Variants in ATG7 observed in about 807,000 individuals in gnomAD.
ATG7 encodes ubiquitin-like modifier-activating enzyme ATG7.
A neutral mutation model predicts 82.4 loss-of-function variants in ATG7; 70 were observed. The observed-to-expected ratio is 0.85, with a 90% CI of 0.70 to 1.04. The LOEUF (loss-of-function observed/expected upper bound fraction) is 1.04, where lower values mean the gene tolerates loss of function less well. ATG7 is among the 50% of genes least tolerant of loss of function. The probability of loss-of-function intolerance (pLI) is 0.00; values close to 1 mark genes in which losing one functional copy is unlikely to be tolerated. For missense variants in ATG7, 792 were observed against 864.3 expected (o/e 0.92, Z 1.05); for synonymous variants, 287 against 313.0 (o/e 0.92, Z 0.88).
intron 9 of ATG7, among the ~76,000 whole-genome samples, chr3:11,317,993 T>C (rs1326323742): frequency 6.6e-6 from 1 of 152,228 alleles, no homozygotes; most frequent in Non-Finnish European, 1.5e-5. Flanking sequence ...CACCTCCTTA[T>C]AAGGTTTTGT....
intron 20 of ATG7, among the ~76,000 whole-genome samples, chr3:11,510,632 A>G (rs1467002097): frequency 6.6e-6 from 1 of 152,134 alleles, no homozygotes; most frequent in African/African-American, 2.4e-5. Flanking sequence ...GCCTTGGAGG[A>G]CTGTCCTTTC....
chr3:11,354,083 T>C (rs2075759846), intron 14 of ATG7, among the ~76,000 whole-genome samples: 1 of 152,186 alleles, frequency 6.6e-6, no homozygotes, highest in South Asian at 2.1e-4. Context: ...CTAACCGTAT[T>C]CTGGCCCCAG....
At chr3:11,368,813 G>T (rs937538016) in intron 18 of ATG7, among the ~76,000 whole-genome samples, 7 of 150,284 alleles carry the variant, frequency 4.7e-5, no homozygotes, top group African/African-American at 1.7e-4. Flanking sequence ...GGGCATTCCT[G>T]CTTTATCCCA....
chr3:11,549,577 C>T (rs2071588832), intron 20 of ATG7, among the ~76,000 whole-genome samples: 1 of 152,200 alleles, frequency 6.6e-6, no homozygotes, highest in South Asian at 2.1e-4. Flanking sequence ...TCGCACCCAT[C>T]AGTAGTTTAA....
At chr3:11,462,660 G>C (rs1356592091) in intron 20 of ATG7, among the ~76,000 whole-genome samples, 2 of 152,018 alleles carry the variant, frequency 1.3e-5, no homozygotes, top group South Asian at 4.1e-4. Context: ...GCTCTGAATT[G>C]GTTAGTTCGC....
Position 11,429,948 on chromosome 3 carries a change from GAAAAAA to G in ATG7, c.2079+3037_2079+3042del, listed in dbSNP as rs542247546. On this transcript the variant is annotated intron_variant, in intron 20 of 20. Transcript: ENST00000693202. ...GCGACAGAGCGAGACTCTGTCTCAG[GAAAAAA>G]AAAAAAAAAAAAAATTCTGTGAAAA... 2.0e-4 allele frequency among the ~76,000 whole-genome samples: 25 copies of G among 126,164 alleles called. No homozygotes were observed. The East Asian group carries it at 3.5e-3, about 17-fold the overall frequency. 82.8% of individuals were successfully genotyped at this position (126,164 alleles called of 152,430 possible). A position where few individuals can be genotyped will look rare whatever the true frequency, so the allele number is the denominator to read the frequency against.
intron 20 of ATG7, among the ~76,000 whole-genome samples, chr3:11,428,869 T>C (rs2082600360): frequency 1.3e-5 from 2 of 152,208 alleles, no homozygotes; most frequent in African/African-American, 4.8e-5. Context: ...GTTGCTAGAA[T>C]AGTGGGTAGG....
chr3:11,425,552 G>A (rs987036057), intron 19 of ATG7, among the ~76,000 whole-genome samples: 2 of 152,092 alleles, frequency 1.3e-5, no homozygotes, highest in African/African-American at 4.8e-5. Context: ...AGCGTTCTAC[G>A]TTTCACAGTC....
At chr3:11,437,302 C>T (rs571624890) in intron 20 of ATG7, among the ~76,000 whole-genome samples, 2 of 152,174 alleles carry the variant, frequency 1.3e-5, no homozygotes, top group Non-Finnish European at 2.9e-5. Flanking sequence ...TCTCTGTGCA[C>T]CTCCTTTAGC....
intron 20 of ATG7, among the ~76,000 whole-genome samples, chr3:11,439,948 CTG>C (rs1220032764): frequency 1.3e-5 from 2 of 152,220 alleles, no homozygotes; most frequent in Non-Finnish European, 2.9e-5. Context: ...GTTGTCAAGA[CTG>C]TAGCTATGCT....
At chr3:11,411,717 T>A (rs988336447) in intron 19 of ATG7, among the ~76,000 whole-genome samples, 1 of 151,912 alleles carries the variant, frequency 6.6e-6, no homozygotes, top group African/African-American at 2.4e-5. Context: ...TCTGTTGATG[T>A]TGTCCATCTA....
At chr3:11,368,250 A>AAAGAAG (rs1212452849) in intron 18 of ATG7, among the ~76,000 whole-genome samples, 2 of 150,130 alleles carry the variant, frequency 1.3e-5, no homozygotes, top group Non-Finnish European at 3.0e-5. Flanking sequence ...AAAAAAAAAA[A>AAAGAAG]AAGAAGAAGA....
intron 20 of ATG7, among the ~76,000 whole-genome samples, chr3:11,462,349 G>C (rs2086392183): frequency 6.6e-6 from 1 of 152,026 alleles, no homozygotes; most frequent in South Asian, 2.1e-4. Flanking sequence ...AGTTTATCGT[G>C]GTCACAAGTC....
chr3:11,425,747 A>C (rs2082312577), intron 19 of ATG7, among the ~76,000 whole-genome samples: 1 of 152,202 alleles, frequency 6.6e-6, no homozygotes, highest in Admixed American at 6.5e-5. Flanking sequence ...AGTACACCTT[A>C]TGTAACCAAT....
At chr3:11,572,776 CT>C in the ATG7 span, among the ~76,000 whole-genome samples, 1 of 152,200 alleles carries the variant, frequency 6.6e-6, no homozygotes, top group Non-Finnish European at 1.5e-5. Flanking sequence ...TGTTATTTGC[CT>C]GCTCTGTGGT....
At chr3:11,509,022 C>T (rs1228941545) in intron 20 of ATG7, among the ~76,000 whole-genome samples, 1 of 152,300 alleles carries the variant, frequency 6.6e-6, no homozygotes, top group Admixed American at 6.5e-5. Flanking sequence ...TGAGCAAATG[C>T]CCTTTAAACT....
At chr3:11,553,505 T>C (rs1309859951) in intron 20 of ATG7, among the ~76,000 whole-genome samples, 1 of 151,924 alleles carries the variant, frequency 6.6e-6, no homozygotes, top group Non-Finnish European at 1.5e-5. Context: ...AATGCAACCT[T>C]TGTTAGAAAC....
rs1317877647 is a variant in ATG7 at position 11,278,913 on chromosome 3, A to C, written c.-365-2081A>C. On this transcript the variant is annotated intron_variant, in intron 1 of 20. Coordinates refer to ENST00000693202, the MANE Select transcript of ATG7 (RefSeq NM_001349232.2). The stretch of plus-strand genomic sequence containing the variant: ...TCAGGGAAGGCTTCCCTCAGAAGTG[A>C]TGATTGAGCTGTGATTTGAAGTGAG... 2.6e-5 allele frequency among the ~76,000 whole-genome samples: 4 copies of C among 152,280 alleles called. No homozygotes were observed. The East Asian group carries it at 7.7e-4, about 29-fold the overall frequency.
intron 20 of ATG7, among the ~76,000 whole-genome samples, chr3:11,537,729 C>T (rs868200161): frequency 2.0e-5 from 3 of 152,212 alleles, no homozygotes; most frequent in South Asian, 2.1e-4. Context: ...AGGCCCTGCT[C>T]GGTGCCAGGT....
Sources: allele counts gnomAD v4.1 joint callset (sites outside exome capture counted in the v4.1 genomes callset), GRCh38; gene constraint gnomAD v4.1.1; transcripts MANE v1.5; gene names NCBI Gene and HGNC (gene_info 2026-07-23, HGNC 2026-07-21).